The following PIP5K1B variants were observed in gnomAD, a reference collection of about 807,000 sequenced individuals.
The protein encoded by PIP5K1B is phosphatidylinositol 4-phosphate 5-kinase type-1 beta.
PIP5K1B carries 42 observed loss-of-function variants against 67.0 expected under a neutral mutation model. The ratio of observed to expected loss-of-function variants is 0.63; its 90% CI spans 0.49 to 0.81. PIP5K1B has a LOEUF of 0.81. PIP5K1B is among the 30% of genes least tolerant of loss of function. PIP5K1B has a pLI of 0.00. For synonymous variants in PIP5K1B, 214 were observed against 231.4 expected, an observed-to-expected ratio of 0.92 and a Z score of 0.68; for missense variants, 459 against 646.3, an observed-to-expected ratio of 0.71 and a Z score of 3.14.
chr9:68,719,179 C>T (rs922546024), intron 1 of PIP5K1B, among the ~76,000 whole-genome samples: 5 of 152,022 alleles, frequency 3.3e-5, no homozygotes, highest in African/African-American at 1.2e-4. Flanking sequence ...TTTCTTTTTT[C>T]TTTCTTTTTG....
At chr9:68,841,364 A>T (rs1177425709) in intron 4 of PIP5K1B, among the ~76,000 whole-genome samples, 1 of 152,230 alleles carries the variant, frequency 6.6e-6, no homozygotes, top group Non-Finnish European at 1.5e-5. Context: ...TGCATCTCCC[A>T]CAGAACCATT....
chr9:68,985,038 G>A (rs958770422), intron 14 of PIP5K1B, among the ~76,000 whole-genome samples: 1 of 152,204 alleles, frequency 6.6e-6, no homozygotes, highest in Admixed American at 6.5e-5. Context: ...TTGCGTGTAT[G>A]AGTGTAACAG....
chr9:68,749,281 A>G (rs573972116), intron 2 of PIP5K1B, among the ~76,000 whole-genome samples: 22 of 152,326 alleles, frequency 1.4e-4, no homozygotes, highest in Admixed American at 1.1e-3. Flanking sequence ...AGGGACATGC[A>G]GGGGAAGGTG....
intron 8 of PIP5K1B, among the ~76,000 whole-genome samples, chr9:68,913,503 C>G (rs1825949627): frequency 6.6e-6 from 1 of 152,176 alleles, no homozygotes. Flanking sequence ...TATTTTGTTC[C>G]TAATTGATGC....
chr9:68,858,351 G>A (rs1228922903), intron 4 of PIP5K1B, among the ~76,000 whole-genome samples: 1 of 152,116 alleles, frequency 6.6e-6, no homozygotes, highest in Non-Finnish European at 1.5e-5. Flanking sequence ...GAATATCTCT[G>A]ATTTAGAATT....
chr9:68,936,747 C>T (rs371470763), intron 13 of PIP5K1B, among the ~76,000 whole-genome samples: 3 of 152,116 alleles, frequency 2.0e-5, no homozygotes, highest in Non-Finnish European at 2.9e-5. Context: ...TGATCCTCTC[C>T]GAATTGGTGT....
At chr9:68,752,003 A>G (rs529527840) in intron 2 of PIP5K1B, among the ~76,000 whole-genome samples, 33 of 152,202 alleles carry the variant, frequency 2.2e-4, no homozygotes, top group Non-Finnish European at 3.8e-4. Context: ...AGTCCTTAAC[A>G]TTTTATATAT....
At chr9:68,911,686 T>A (rs1825860655) in intron 8 of PIP5K1B, among the ~76,000 whole-genome samples, 1 of 151,544 alleles carries the variant, frequency 6.6e-6, no homozygotes, top group Admixed American at 6.6e-5. Context: ...AGCCCAGGAG[T>A]TCAAGACCAG....
intron 4 of PIP5K1B, among the ~76,000 whole-genome samples, chr9:68,858,364 ACT>A (rs1207149916): frequency 6.6e-6 from 1 of 152,066 alleles, no homozygotes; most frequent in East Asian, 1.9e-4. Context: ...TTAGAATTAG[ACT>A]CTCAAAATCT....
chr9:68,710,598 C>G (rs1827341342), intron 1 of PIP5K1B, among the ~76,000 whole-genome samples: 1 of 152,130 alleles, frequency 6.6e-6, no homozygotes, highest in African/African-American at 2.4e-5. Flanking sequence ...GAGATAATCA[C>G]ACAGGAAAAC....
intron 14 of PIP5K1B, 28 bp downstream of exon 14, chr9:68,940,818 A>G: frequency 6.2e-7 from 1 of 1,608,060 alleles, no homozygotes; most frequent in South Asian, 1.1e-5. Flanking sequence ...CAAATAACCC[A>G]TCAGGCTGTT....
chr9:68,968,086 A>T (rs1046505977), intron 14 of PIP5K1B, among the ~76,000 whole-genome samples: 3 of 152,252 alleles, frequency 2.0e-5, no homozygotes, highest in Admixed American at 2.0e-4. Flanking sequence ...GATTAAAGCT[A>T]TTTATGTTAG....
chr9:68,780,096 C>T (rs1831159850), intron 2 of PIP5K1B: 2 of 1,430,488 alleles, frequency 1.4e-6, no homozygotes, highest in Admixed American at 2.9e-5. Context: ...GCGGCGGCGG[C>T]CCTGGACTGC....
chr9:68,918,954 CTAAT>C (rs1199823174), intron 9 of PIP5K1B, among the ~76,000 whole-genome samples: 2 of 152,100 alleles, frequency 1.3e-5, no homozygotes, highest in Non-Finnish European at 2.9e-5. Context: ...CTTTTCTTGA[CTAAT>C]AAATACATAC....
intron 14 of PIP5K1B, among the ~76,000 whole-genome samples, chr9:68,983,472 T>G (rs1829975204): frequency 1.3e-5 from 2 of 152,076 alleles, no homozygotes; most frequent in Admixed American, 1.3e-4. Flanking sequence ...TTTTTTTTTC[T>G]CCTTAGCACT....
chr9:68,913,722 C>A (rs1428272027), intron 8 of PIP5K1B, among the ~76,000 whole-genome samples: 2 of 152,186 alleles, frequency 1.3e-5, no homozygotes, highest in African/African-American at 4.8e-5. Flanking sequence ...GCCTTCCACA[C>A]TGAAAGTAGG....
chr9:68,999,579 C>G (rs1364030972), intron 15 of PIP5K1B, among the ~76,000 whole-genome samples: 2 of 152,082 alleles, frequency 1.3e-5, no homozygotes, highest in Admixed American at 6.5e-5. Context: ...TTTTTTAAAC[C>G]TCTACACACA....
At chr9:68,837,146 A>G (rs897609265) in intron 4 of PIP5K1B, among the ~76,000 whole-genome samples, 3 of 152,282 alleles carry the variant, frequency 2.0e-5, no homozygotes, top group Middle Eastern at 3.4e-3. Flanking sequence ...GTCTCCCCAC[A>G]TGTTCTCCCT....
At chr9:68,707,446 G>C (rs1827175994) in intron 1 of PIP5K1B, among the ~76,000 whole-genome samples, 1 of 152,142 alleles carries the variant, frequency 6.6e-6, no homozygotes, top group Admixed American at 6.5e-5. Context: ...GATTTATCAA[G>C]GTAACAAGTG....
Sources: gnomAD v4.1 joint callset for allele counts (sites outside exome capture counted in the v4.1 genomes callset) on GRCh38, gnomAD v4.1.1 for gene constraint, MANE v1.5 for transcripts, NCBI Gene and HGNC (gene_info 2026-07-23, HGNC 2026-07-21) for gene names.